UBE3D: variants seen among roughly 807,000 people sequenced by gnomAD.
UBE3D encodes the protein ubiquitin protein ligase E3D.
Under a neutral mutation model 49.6 loss-of-function variants are expected in UBE3D, and 48 were observed. The observed-to-expected ratio is 0.97, with a 90% CI of 0.77 to 1.23. The LOEUF (loss-of-function observed/expected upper bound fraction) is 1.23. Among genes scored for constraint, UBE3D ranks in the 50% most tolerant of loss-of-function variants. The pLI is 0.00. For synonymous variants in UBE3D, 189 were observed against 174.2 expected, an observed-to-expected ratio of 1.08 and a Z score of -0.67; for missense variants, 452 against 468.4, an observed-to-expected ratio of 0.96 and a Z score of 0.32.
chr6:82,926,827 GTC>G (rs1163738096), intron 9 of UBE3D, among the ~76,000 whole-genome samples: 2 of 151,940 alleles, frequency 1.3e-5, no homozygotes, highest in Non-Finnish European at 2.9e-5. Context: ...TCTCTATAGT[GTC>G]TTTTGCAAAG....
chr6:83,044,349 C>G (rs1782876366), intron 4 of UBE3D, 79 bp downstream of exon 4: 2 of 1,378,014 alleles, frequency 1.5e-6, no homozygotes, highest in Non-Finnish European at 2.0e-6. Flanking sequence ...TGTAACAAGC[C>G]CTTAATTAGG....
chr6:82,887,152 AAAAAAATAAAAAAT>A, the UBE3D span, among the ~76,000 whole-genome samples: 1 of 134,778 alleles, frequency 7.4e-6, no homozygotes, highest in South Asian at 2.3e-4. Flanking sequence ...AAAAATACCA[AAAAAAATAAAAAAT>A]AAAAAATAAA....
Position 83,061,410 on chromosome 6 carries a change from T to C in UBE3D, c.78-3388A>G, listed in dbSNP as rs538477113. On this transcript the variant is annotated intron_variant, in intron 1 of 9. Transcript: ENST00000369747. ...TAGCAACACATTTCCCAATTGTGAG[T>C]GTTGGATGATGGTTCTTTAGGAGAA... 1.2e-4 allele frequency among the ~76,000 whole-genome samples: 19 copies of C among 152,340 alleles called. No individual in the cohort carries two copies. The South Asian group carries it at 3.9e-3, about 32-fold the overall frequency.
chr6:83,017,740 G>C (rs552311078), intron 8 of UBE3D: 1 of 152,114 alleles, frequency 6.6e-6, no homozygotes, highest in East Asian at 1.9e-4. Flanking sequence ...CATACCCTTT[G>C]ACTCAACAAT....
intron 9 of UBE3D, among the ~76,000 whole-genome samples, chr6:82,900,251 AT>A (rs1771633354): frequency 6.6e-6 from 1 of 152,222 alleles, no homozygotes. Flanking sequence ...TATAGTATCA[AT>A]TGAAATATTT....
chr6:83,027,553 T>G (rs1562202452), intron 5 of UBE3D, among the ~76,000 whole-genome samples: 2 of 151,780 alleles, frequency 1.3e-5, no homozygotes, highest in Non-Finnish European at 2.9e-5. Flanking sequence ...AAGGAAATTT[T>G]CACTTGAGAT....
At chr6:82,902,561 T>C (rs1019409631) in intron 9 of UBE3D, among the ~76,000 whole-genome samples, 1 of 152,152 alleles carries the variant, frequency 6.6e-6, no homozygotes, top group African/African-American at 2.4e-5. Flanking sequence ...CATTTTTGAA[T>C]TGACAAAATT....
At chr6:83,019,166 A>G in intron 7 of UBE3D, 30 bp from the exon 8 acceptor site, 3 of 1,592,142 alleles carry the variant, frequency 1.9e-6, no homozygotes, top group Non-Finnish European at 2.6e-6. Context: ...GTCCAAGTAT[A>G]AGAATATTGT....
chr6:83,053,223 G>A (rs2127840561), intron 3 of UBE3D, among the ~76,000 whole-genome samples: 1 of 152,396 alleles, frequency 6.6e-6, no homozygotes, highest in South Asian at 2.1e-4. Context: ...TGCCTCCAGA[G>A]GGAGGAACTT....
intron 3 of UBE3D, among the ~76,000 whole-genome samples, chr6:83,051,712 C>T (rs1038044512): frequency 6.6e-6 from 1 of 152,156 alleles, no homozygotes; most frequent in South Asian, 2.1e-4. Context: ...GGCCTGTCAC[C>T]GAGTACATGC....
chr6:83,052,355 T>A (rs565484458), intron 3 of UBE3D, among the ~76,000 whole-genome samples: 16 of 152,244 alleles, frequency 1.1e-4, no homozygotes, highest in African/African-American at 3.6e-4. Flanking sequence ...ACAACAAGAT[T>A]ATCTGCACTC....
intron 8 of UBE3D, among the ~76,000 whole-genome samples, chr6:82,965,601 A>AAAG (rs1406036233): frequency 3.1e-4 from 47 of 150,694 alleles, no homozygotes; most frequent in South Asian, 8.4e-4. Flanking sequence ...AAAAAAAAAA[A>AAAG]AAGAAGAAGA....
intron 4 of UBE3D, among the ~76,000 whole-genome samples, chr6:83,044,215 T>C (rs1782866409): frequency 6.6e-6 from 1 of 152,194 alleles, no homozygotes; most frequent in African/African-American, 2.4e-5. Flanking sequence ...GAGGTCTTCC[T>C]CTCCTTATTC....
chr6:82,919,076 G>C (rs543542938), intron 9 of UBE3D, among the ~76,000 whole-genome samples: 1 of 152,038 alleles, frequency 6.6e-6, no homozygotes, highest in African/African-American at 2.4e-5. Context: ...CATTATATGA[G>C]AGTGTCCACT....
chr6:82,937,721 A>G (rs890816636), intron 9 of UBE3D, among the ~76,000 whole-genome samples: 3 of 152,200 alleles, frequency 2.0e-5, no homozygotes, highest in African/African-American at 4.8e-5. Context: ...GAAAGTGCAA[A>G]AAGTCTAAGG....
intron 1 of UBE3D, among the ~76,000 whole-genome samples, chr6:83,060,897 C>T (rs1784129530): frequency 1.3e-5 from 2 of 152,180 alleles, no homozygotes; most frequent in Admixed American, 1.3e-4. Context: ...TGTATCCTTA[C>T]TGACACACAA....
chr6:83,040,953 G>A (rs1406261867), intron 4 of UBE3D, among the ~76,000 whole-genome samples: 1 of 152,238 alleles, frequency 6.6e-6, no homozygotes, highest in Non-Finnish European at 1.5e-5. Flanking sequence ...CAGAAAGCCA[G>A]TATGGTCTAC....
chr6:82,887,397 T>TTGTTTTGTTTTTTTG (rs1562053900), downstream of UBE3D, among the ~76,000 whole-genome samples: 1 of 145,658 alleles, frequency 6.9e-6, no homozygotes, highest in East Asian at 2.0e-4. Context: ...CAGTTTTTTT[T>TTGTTTTGTTTTTTTG]TTTTTTTTTT....
At chr6:83,050,701 G>C (rs1783416639) in intron 3 of UBE3D, among the ~76,000 whole-genome samples, 1 of 152,220 alleles carries the variant, frequency 6.6e-6, no homozygotes, top group South Asian at 2.1e-4. Flanking sequence ...CACTGGGTTT[G>C]ACATTAATGG....
Sources: allele counts gnomAD v4.1 joint callset (sites outside exome capture counted in the v4.1 genomes callset), GRCh38; gene constraint gnomAD v4.1.1; transcripts MANE v1.5; gene names NCBI Gene and HGNC (gene_info 2026-07-23, HGNC 2026-07-21).